Variants in SETD2 observed in about 807,000 individuals in gnomAD.
SETD2 encodes histone-lysine N-methyltransferase SETD2.
Under a neutral mutation model 242.1 loss-of-function variants are expected in SETD2, and 31 were observed. That is an observed-to-expected ratio of 0.13 (90% CI 0.10 to 0.17). SETD2 has a LOEUF of 0.17. Ranked by LOEUF, SETD2 falls within the 10% of genes least tolerant of loss-of-function variation. The pLI is 1.00. For missense variants in SETD2, 2,481 were observed against 3,046.3 expected (o/e 0.81, Z 4.37); for synonymous variants, 1,006 against 1,066.5 (o/e 0.94, Z 1.11).
intron 15 of SETD2, among the ~76,000 whole-genome samples, chr3:47,048,020 A>C (rs1342419959): frequency 6.6e-6 from 1 of 152,218 alleles, no homozygotes; most frequent in Non-Finnish European, 1.5e-5. Flanking sequence ...TTCTGTAATA[A>C]AGACTTGTAA....
intron 1 of SETD2, among the ~76,000 whole-genome samples, chr3:47,130,915 T>C (rs1376228735): frequency 2.0e-5 from 3 of 152,096 alleles, no homozygotes; most frequent in Admixed American, 1.3e-4. Context: ...ACATGGTATA[T>C]ATAGAAAAAG....
At chr3:47,027,207 G>A (rs1030955958) in intron 18 of SETD2, among the ~76,000 whole-genome samples, 3 of 151,774 alleles carry the variant, frequency 2.0e-5, no homozygotes, top group African/African-American at 7.3e-5. Context: ...GCGTGGTGGC[G>A]GGCGCCTGTA....
intron 18 of SETD2, among the ~76,000 whole-genome samples, chr3:47,022,193 T>TCTCACACACA (rs770101300): frequency 1.5e-5 from 2 of 130,948 alleles, no homozygotes; most frequent in East Asian, 2.4e-4. Flanking sequence ...CAACAATCTG[T>TCTCACACACA]CACACACACA....
intron 6 of SETD2, 26 bp downstream of exon 6, chr3:47,105,971 A>C (rs2042403352): frequency 6.2e-7 from 1 of 1,609,032 alleles, no homozygotes; most frequent in South Asian, 1.1e-5. Context: ...GATCTGTTTC[A>C]AGGCAAACAT....
rs2040117672 is a variant in SETD2, at chr3:47,057,101, T to G, written c.6683A>C (p.His2228Pro). Reference sequence around the variant, plus strand: ...GGAAACTTCCACAGGAGCTGCCACATGTGGCACCACTGGTACTGGTGGAGG... The same window carrying G: ...GGAAACTTCCACAGGAGCTGCCACAGGTGGCACCACTGGTACTGGTGGAGG... ...SAPPPVPVVP[H>P]VAAPVEVSSS... Residue 2228 changes from histidine (H) to proline (P), a missense_variant, in exon 15 of 21, where the codon CAT (histidine) becomes CCT (proline). Physicochemically the swap from His to Pro is moderately conservative, Grantham distance 77. Coordinates refer to ENST00000409792, the MANE Select transcript of SETD2 (RefSeq NM_014159.7). 6.2e-7 allele frequency: 1 copy of G among 1,614,096 alleles called. No individual in the cohort carries two copies. The highest frequency in any genetic ancestry group is 8.5e-7 in the Non-Finnish European group (1 of 1,180,034).
chr3:47,080,861 A>T (rs2041290684), intron 12 of SETD2: 1 of 986,742 alleles, frequency 1.0e-6, no homozygotes, highest in Non-Finnish European at 1.2e-6. Flanking sequence ...TCGGCAATGG[A>T]CGCACCAAAA....
chr3:47,109,156 G>C (rs2042554682), intron 5 of SETD2, among the ~76,000 whole-genome samples: 1 of 152,088 alleles, frequency 6.6e-6, no homozygotes, highest in African/African-American at 2.4e-5. Flanking sequence ...GGAAGGTTTA[G>C]GGGTTAAGGG....
chr3:47,138,003 G>T (rs1460891719), intron 1 of SETD2, among the ~76,000 whole-genome samples: 1 of 135,788 alleles, frequency 7.4e-6, no homozygotes. Flanking sequence ...ACGGAGTCTC[G>T]CTCTGTCGCC....
At chr3:47,117,923 GTTATGT>G (rs2042928614) in intron 3 of SETD2, among the ~76,000 whole-genome samples, 1 of 152,196 alleles carries the variant, frequency 6.6e-6, no homozygotes. Context: ...AAAAAGATCT[GTTATGT>G]TTAAGATTAG....
intron 16 of SETD2, among the ~76,000 whole-genome samples, chr3:47,043,297 CAA>C (rs2039369001): frequency 6.6e-6 from 1 of 152,112 alleles, no homozygotes. Flanking sequence ...TTAATGAAGT[CAA>C]AAGAGTGAGG....
At chr3:47,032,820 G>A (rs2038832646) in intron 18 of SETD2, among the ~76,000 whole-genome samples, 1 of 151,890 alleles carries the variant, frequency 6.6e-6, no homozygotes, top group Admixed American at 6.6e-5. Context: ...GCTGAGGCAT[G>A]AGAATCGTTT....
At chr3:47,138,008 GT>G (rs1166588777) in intron 1 of SETD2, among the ~76,000 whole-genome samples, 3 of 151,440 alleles carry the variant, frequency 2.0e-5, no homozygotes, top group African/African-American at 7.3e-5. Flanking sequence ...GTCTCGCTCT[GT>G]CGCCCAGGCT....
rs146562413 is a variant in SETD2 at position 47,122,650 on chromosome 3, T to C, written c.1986A>G (p.Gln662=). 350 of 1,613,382 alleles carry C rather than the reference T, an allele frequency of 2.2e-4. 1 individual carries two copies. The highest frequency in any genetic ancestry group is 3.3e-4 in the Admixed American group (20 of 60,020). Residue 662 remains glutamine, a synonymous_variant, in exon 3 of 21, where the codon CAA becomes CAG. Coordinates refer to ENST00000409792, the MANE Select transcript of SETD2 (RefSeq NM_014159.7). ...ATTCTATGGGACAAAAACTTCTTAA[T>C]TGATCATTCTTCACTTTAGATAAAG... is the stretch of plus-strand genomic sequence containing the variant. ...LDSLSKVKND[Q]LRSFCPIELN...
chr3:47,147,650 G>A lies in SETD2; in HGVS notation c.71+16204C>T, dbSNP rs186285326. ...TTTTAAGATAGTTTCTAGGCCGGGC[G>A]CGGTGGCTCACTCCTGTAATCCCAG... On this transcript the variant is annotated intron_variant, in intron 1 of 20. Transcript: ENST00000409792. Among the ~76,000 whole-genome samples the A allele has an allele frequency of 4.9e-3, 738 of 151,436 alleles. 3 individuals are homozygous for A. Among genetic ancestry groups the A allele is most frequent in the Admixed American group, 6.9e-3 (106 of 15,254 alleles).
In SETD2 at chr3:47,027,782, GTTTT is replaced by G. The variant is rs762410250; in HGVS notation, c.7351-7946_7351-7943del. Among the ~76,000 whole-genome samples the G allele has an allele frequency of 6.2e-3, 780 of 125,842 alleles. 5 individuals carry two copies. Among genetic ancestry groups the G allele is most frequent in the Non-Finnish European group, 0.011 (606 of 55,250 alleles). The allele number at this position is 125,842 out of a possible 152,430, so 82.6% of individuals were successfully genotyped here. A position where few individuals can be genotyped will look rare whatever the true frequency, so the allele number is the denominator to read the frequency against. On this transcript the variant is annotated intron_variant, in intron 18 of 20. Transcript: ENST00000409792. Reference sequence around the variant, plus strand: ...CTCAATAAAGTTGCTGCTGCTGCTGGTTTTTTTTTTTGTTTTTGTTTTTTTTTTT... The same window carrying G: ...CTCAATAAAGTTGCTGCTGCTGCTGGTTTTTTTGTTTTTGTTTTTTTTTTT...
At position 47,120,479 on chromosome 3, in the gene SETD2, T is replaced by C. The variant is rs2107742023; in HGVS notation, c.4157A>G (p.Lys1386Arg). The C allele has an allele frequency of 6.2e-7, 1 of 1,613,690 alleles. No individual in the cohort carries two copies. Among genetic ancestry groups the C allele is most frequent in the South Asian group, 1.1e-5 (1 of 91,010 alleles). ...TTCTAAGTTTTTTGAAAAATCTTTC[T>C]TTTCATTCACAGCTAAAGTGTCCTT... Reference protein sequence around the residue: ...SIKDTLAVNEKKDFSKNLEKN... With the variant: ...SIKDTLAVNERKDFSKNLEKN... Residue 1386 changes from lysine (K) to arginine (R), a missense_variant, in exon 3 of 21, where the codon AAG becomes AGG. Lys to Arg is a conservative substitution (Grantham distance 26). This residue lies in a region of SETD2 where 1,300 missense variants were observed against 1,259.2 expected (regional missense o/e 1.03). Coordinates refer to ENST00000409792, the MANE Select transcript of SETD2 (RefSeq NM_014159.7).
chr3:47,027,213 C>CT (rs892500034), intron 18 of SETD2, among the ~76,000 whole-genome samples: 1 of 151,818 alleles, frequency 6.6e-6, no homozygotes, highest in African/African-American at 2.4e-5. Flanking sequence ...TGGCGGGCGC[C>CT]TGTAGTCCCA....
At chr3:47,081,496 C>T (rs934304848) in intron 12 of SETD2, among the ~76,000 whole-genome samples, 2 of 152,174 alleles carry the variant, frequency 1.3e-5, no homozygotes, top group Non-Finnish European at 2.9e-5. Flanking sequence ...AATGTCTACT[C>T]GAACACATAG....
At position 47,120,623 on chromosome 3, in the gene SETD2, T is replaced by A. The variant is rs2043036828; in HGVS notation, c.4013A>T (p.Glu1338Val). 6.2e-7 allele frequency: 1 copy of A among 1,614,106 alleles called. No homozygotes were observed. The highest frequency in any genetic ancestry group is 8.5e-7 in the Non-Finnish European group (1 of 1,180,036). Residue 1338 changes from glutamate to valine, a missense_variant, in exon 3 of 21, where the codon GAG becomes GTG. Physicochemically the swap from Glu to Val is moderately radical, Grantham distance 121. Around this residue, in one of 17 missense-constraint regions of SETD2, gnomAD observed 1,300 missense variants for 1,259.2 expected, o/e 1.03. Transcript: ENST00000409792. ...TCCATCCTGTTGATCCCAATTCTCC[T>A]CTTCTTCACGATCATCTGTTAGGGA... ...PDSLTDDREEEENWDQQDGSH... is the reference protein window; with the variant it reads ...PDSLTDDREEVENWDQQDGSH...
Sources: allele counts gnomAD v4.1 joint callset (sites outside exome capture counted in the v4.1 genomes callset), GRCh38; gene constraint gnomAD v4.1.1; regional missense constraint gnomAD v4.1.1; transcripts MANE v1.5; gene names NCBI Gene and HGNC (gene_info 2026-07-23, HGNC 2026-07-21).